GNAS: variants seen among roughly 807,000 people sequenced by gnomAD.
GNAS encodes the protein GNAS complex locus.
A neutral mutation model predicts 54.5 loss-of-function variants in GNAS; 8 were observed. The observed-to-expected ratio is 0.15, with a 90% CI of 0.09 to 0.26. GNAS has a LOEUF of 0.26. Ranked by LOEUF, GNAS falls within the 10% of genes least tolerant of loss-of-function variation. The pLI is 1.00. For missense variants in GNAS, 170 were observed against 529.8 expected (o/e 0.32, Z 6.67); for synonymous variants, 204 against 191.4 (o/e 1.07, Z -0.54).
chr20:58,906,435 G>C (rs1437844958), intron 6 of GNAS, among the ~76,000 whole-genome samples: 3 of 152,208 alleles, frequency 2.0e-5, no homozygotes, highest in Non-Finnish European at 4.4e-5. Context: ...GTACCCGATA[G>C]CTAGAAAGTT....
intron 3 of GNAS, among the ~76,000 whole-genome samples, chr20:58,902,317 TA>T (rs1451864827): frequency 1.3e-5 from 2 of 152,202 alleles, no homozygotes; most frequent in Non-Finnish European, 2.9e-5. Context: ...TCTAAAAACA[TA>T]AACTCGAGAA....
chr20:58,906,714 T>G (rs1414147410), intron 6 of GNAS, among the ~76,000 whole-genome samples: 1 of 152,072 alleles, frequency 6.6e-6, no homozygotes, highest in Admixed American at 6.5e-5. Context: ...GTATTTTTAG[T>G]AGAGATGGGG....
At chr20:58,862,236 C>T (rs2086819382) in intron 1 of GNAS, among the ~76,000 whole-genome samples, 2 of 152,014 alleles carry the variant, frequency 1.3e-5, no homozygotes, top group South Asian at 4.2e-4. Context: ...CGGCTCACTG[C>T]AACCTCTGCC....
chr20:58,899,084 A>G, intron 3 of GNAS, 99 bp downstream of exon 3: 1 of 951,386 alleles, frequency 1.1e-6, no homozygotes, highest in Non-Finnish European at 1.7e-6. Context: ...GAAAATAAAA[A>G]TCATTTAAAG....
chr20:58,880,787 T>C (rs989087219), intron 1 of GNAS, among the ~76,000 whole-genome samples: 2 of 152,226 alleles, frequency 1.3e-5, no homozygotes, highest in African/African-American at 4.8e-5. Flanking sequence ...TCTTCTACCT[T>C]TGGCATCAAT....
At chr20:58,847,031 T>C (rs1054404544) in intron 1 of GNAS, among the ~76,000 whole-genome samples, 1 of 152,198 alleles carries the variant, frequency 6.6e-6, no homozygotes, top group Admixed American at 6.5e-5. Context: ...CATCATCAGC[T>C]AGTCTGGAGA....
chr20:58,888,184 T>G (rs1054146959), upstream of GNAS, among the ~76,000 whole-genome samples: 1 of 152,146 alleles, frequency 6.6e-6, no homozygotes, highest in African/African-American at 2.4e-5. Context: ...GAAGACAGTT[T>G]GTGGACTTTG....
chr20:58,871,983 G>A (rs1182658554), intron 1 of GNAS, among the ~76,000 whole-genome samples: 5 of 152,126 alleles, frequency 3.3e-5, no homozygotes, highest in Non-Finnish European at 5.9e-5. Context: ...GGAGTACGGG[G>A]AGGAGAGGCA....
At chr20:58,887,178 C>T (rs1438529889), upstream of GNAS, among the ~76,000 whole-genome samples, 1 of 152,170 alleles carries the variant, frequency 6.6e-6, no homozygotes, top group African/African-American at 2.4e-5. Flanking sequence ...CTTTGTAGCT[C>T]CTGGCATAAG....
intron 1 of GNAS, among the ~76,000 whole-genome samples, chr20:58,871,814 A>C (rs1321111707): frequency 6.6e-6 from 1 of 152,108 alleles, no homozygotes; most frequent in Non-Finnish European, 1.5e-5. Context: ...GTTTAGCTCT[A>C]AGCACCAAAT....
At chr20:58,871,629 A>AC (rs1434090017) in intron 1 of GNAS, among the ~76,000 whole-genome samples, 1 of 142,678 alleles carries the variant, frequency 7.0e-6, no homozygotes, top group Admixed American at 7.1e-5. Context: ...AAAAAAAAAA[A>AC]CAAACAACAA....
At position 58,891,738 on chromosome 20, in the gene GNAS, C is replaced by G. The variant is rs531486518; in HGVS notation, c.12C>G (p.Leu4=). Residue 4 remains leucine, a synonymous_variant, in exon 1 of 13, where the codon CTC becomes CTG. Coordinates refer to ENST00000371085, the MANE Select transcript of GNAS (RefSeq NM_000516.7). MGC[L]GNSKTEDQRN... ...CCGCCGCCGCCGCCATGGGCTGCCT[C>G]GGGAACAGTAAGACCGAGGACCAGC... is the stretch of plus-strand genomic sequence containing the variant. 1 of 1,190,518 alleles carries G rather than the reference C, an allele frequency of 8.4e-7. No homozygotes were observed. The highest frequency in any genetic ancestry group is 2.4e-5 in the Admixed American group (1 of 41,508). The allele number at this position is 1,190,518 out of a possible 1,614,324, so 73.7% of individuals were successfully genotyped here. A position where few individuals can be genotyped will look rare whatever the true frequency, so the allele number is the denominator to read the frequency against.
At chr20:58,896,101 C>CCACCT (rs1392607308) in intron 2 of GNAS, among the ~76,000 whole-genome samples, 2 of 152,208 alleles carry the variant, frequency 1.3e-5, no homozygotes, top group African/African-American at 4.8e-5. Flanking sequence ...TCACCCCACC[C>CCACCT]CACCTCACGC....
chr20:58,887,976 G>A (rs1244274316), upstream of GNAS, among the ~76,000 whole-genome samples: 1 of 152,192 alleles, frequency 6.6e-6, no homozygotes, highest in East Asian at 1.9e-4. Context: ...CGGTTGAATG[G>A]CTAACAGTGT....
At chr20:58,889,437 G>A, upstream of GNAS, 1 of 825,174 alleles carries the variant, frequency 1.2e-6, no homozygotes, top group Non-Finnish European at 1.5e-6. Flanking sequence ...GACAAGGCAG[G>A]GGCGCCCGGG....
chr20:58,878,292 C>G (rs1172350429), intron 1 of GNAS, among the ~76,000 whole-genome samples: 2 of 152,246 alleles, frequency 1.3e-5, no homozygotes, highest in African/African-American at 4.8e-5. Context: ...TGCTATGCAG[C>G]AACTTTTCTG....
upstream of GNAS, chr20:58,840,470 G>A (rs199534645): frequency 2.7e-5 from 44 of 1,613,466 alleles, no homozygotes; most frequent in Non-Finnish European, 1.3e-5. This position sits in a 1 kb window ranked among gnomAD's most constrained non-coding sequence, Gnocchi z 6.0. Context: ...AATCGAGTCC[G>A]AGACCGACTT....
intron 1 of GNAS, chr20:58,842,022 A>G (rs2085752153): frequency 2.6e-6 from 2 of 773,696 alleles, no homozygotes; most frequent in East Asian, 6.7e-5. Context: ...AGTCGTCGAA[A>G]AGGAGGCAGG....
At chr20:58,887,242 C>T (rs2088652891), upstream of GNAS, among the ~76,000 whole-genome samples, 1 of 152,234 alleles carries the variant, frequency 6.6e-6, no homozygotes, top group Non-Finnish European at 1.5e-5. Context: ...GACAATGTAT[C>T]TGTGCTTTGC....
Sources: allele counts gnomAD v4.1 joint callset (sites outside exome capture counted in the v4.1 genomes callset), GRCh38; gene constraint gnomAD v4.1.1; non-coding constraint Gnocchi (gnomAD v3.1); transcripts MANE v1.5; gene names NCBI Gene and HGNC (gene_info 2026-07-23, HGNC 2026-07-21).